Variants in ST8SIA5 observed in about 807,000 individuals in gnomAD.
The protein encoded by ST8SIA5 is alpha-2,8-sialyltransferase 8E.
Under a neutral mutation model 40.2 loss-of-function variants are expected in ST8SIA5, and 24 were observed. The observed-to-expected ratio is 0.60, with a 90% CI of 0.43 to 0.84. ST8SIA5 has a LOEUF of 0.84. ST8SIA5 is among the 40% of genes least tolerant of loss of function. The probability of loss-of-function intolerance (pLI) is 0.00; values close to 1 mark genes in which losing one functional copy is unlikely to be tolerated. For missense variants in ST8SIA5, 465 were observed against 498.5 expected (o/e 0.93, Z 0.64); for synonymous variants, 198 against 201.8 (o/e 0.98, Z 0.16).
chr18:46,747,471 T>C (rs1239419019), intron 1 of ST8SIA5, among the ~76,000 whole-genome samples: 1 of 152,060 alleles, frequency 6.6e-6, no homozygotes, highest in Non-Finnish European at 1.5e-5. Flanking sequence ...CATGAAAAAA[T>C]GCTCATCATC....
intron 1 of ST8SIA5, among the ~76,000 whole-genome samples, chr18:46,742,929 G>C (rs1372371893): frequency 2.0e-5 from 3 of 152,214 alleles, no homozygotes; most frequent in African/African-American, 7.2e-5. Context: ...AGGCAAACAG[G>C]GTCTGGAGTG....
intron 1 of ST8SIA5, among the ~76,000 whole-genome samples, chr18:46,733,961 G>A (rs978862931): frequency 6.6e-5 from 10 of 152,078 alleles, no homozygotes; most frequent in African/African-American, 2.4e-4. Context: ...CTGTGGGCTG[G>A]GCCCAGAATG....
intron 2 of ST8SIA5, among the ~76,000 whole-genome samples, chr18:46,695,770 G>A (rs1257308438): frequency 6.6e-6 from 1 of 152,156 alleles, no homozygotes; most frequent in Non-Finnish European, 1.5e-5. Flanking sequence ...GCAGATGCGT[G>A]GTAAATATTT....
chr18:46,686,515 C>T (rs2039449642), intron 4 of ST8SIA5, among the ~76,000 whole-genome samples: 1 of 152,174 alleles, frequency 6.6e-6, no homozygotes, highest in Non-Finnish European at 1.5e-5. Flanking sequence ...AAGCCCAGGG[C>T]CTGCTGGGCA....
At chr18:46,703,592 GCACACTAGTTGGAAT>G (rs1197530308) in intron 2 of ST8SIA5, among the ~76,000 whole-genome samples, 24 of 152,200 alleles carry the variant, frequency 1.6e-4, no homozygotes, top group African/African-American at 5.8e-4. Context: ...TTCCCCTGAT[GCACACTAGTTGGAAT>G]CACATCAGAT....
At position 46,678,354 on chromosome 18, in the gene ST8SIA5, G is replaced by C. The variant is rs1236724956; in HGVS notation, c.*1688C>G. The C allele has an allele frequency of 1.3e-5, 2 of 152,794 alleles. No individual in the cohort carries two copies. The highest frequency in any genetic ancestry group is 4.8e-5 in the African/African-American group (2 of 41,450). The allele number at this position is 152,794 out of a possible 1,614,324, so 9.5% of individuals were successfully genotyped here. On this transcript the variant is annotated 3_prime_UTR_variant, in exon 7 of 7. Coordinates refer to ENST00000315087, the MANE Select transcript of ST8SIA5 (RefSeq NM_013305.6). ...AGACACAAAAGTTTGGCCAAGAACG[G>C]AGCCCTGGATCAGGAGCCTGGAGGC...
intron 1 of ST8SIA5, among the ~76,000 whole-genome samples, chr18:46,707,827 GC>G (rs1401964975): frequency 1.3e-5 from 2 of 152,170 alleles, no homozygotes; most frequent in Non-Finnish European, 2.9e-5. Flanking sequence ...TAAGGATACA[GC>G]AAGGAGATGC....
chr18:46,694,836 T>A (rs1193561764), intron 2 of ST8SIA5, among the ~76,000 whole-genome samples: 1 of 146,874 alleles, frequency 6.8e-6, no homozygotes, highest in Non-Finnish European at 1.5e-5. Flanking sequence ...GTCCATTATT[T>A]AAAAAAAAAA....
rs1001404815 is a variant in ST8SIA5 at position 46,673,682 on chromosome 18, G to A, written c.*6360C>T. The A allele has an allele frequency of 2.6e-5, 4 of 151,866 alleles. No individual in the cohort carries two copies. Among genetic ancestry groups the A allele is most frequent in the African/African-American group, 9.7e-5 (4 of 41,332 alleles). The allele number at this position is 151,866 out of a possible 1,614,324, so 9.4% of individuals were successfully genotyped here. ...GGGTAGACTGTAGATCTATACTGTA[G>A]ATCTATACTGTAGGTCTATCCAGTC... is the stretch of plus-strand genomic sequence containing the variant. On this transcript the variant is annotated 3_prime_UTR_variant, in exon 7 of 7. Coordinates refer to ENST00000315087, the MANE Select transcript of ST8SIA5 (RefSeq NM_013305.6).
chr18:46,747,645 T>C lies in ST8SIA5; in HGVS notation c.131+8733A>G, dbSNP rs531036358. On this transcript the variant is annotated intron_variant, in intron 1 of 6. Coordinates refer to ENST00000315087, the MANE Select transcript of ST8SIA5 (RefSeq NM_013305.6). ...GTGGGAGTGTAAATTAGTTCAATGATTGTGGAAGACAGTGTGGTGGTTCCT... is the reference window on the plus strand; with the variant it reads ...GTGGGAGTGTAAATTAGTTCAATGACTGTGGAAGACAGTGTGGTGGTTCCT... Among the ~76,000 whole-genome samples the C allele has an allele frequency of 2.4e-4, 37 of 152,320 alleles. 1 individual carries two copies. Among genetic ancestry groups the C allele is most frequent in the Middle Eastern group, 3.4e-3 (1 of 294 alleles).
chr18:46,721,607 T>C (rs2039864431), intron 1 of ST8SIA5: 2 of 703,228 alleles, frequency 2.8e-6, no homozygotes, highest in East Asian at 5.4e-5. Flanking sequence ...TGGTACTGAC[T>C]CCAACCATGA....
chr18:46,690,574 C>T (rs2039494603), intron 3 of ST8SIA5, among the ~76,000 whole-genome samples: 1 of 150,160 alleles, frequency 6.7e-6, no homozygotes, highest in East Asian at 2.0e-4. Context: ...TTCCCTATTG[C>T]TTCATGTTTC....
intron 1 of ST8SIA5, among the ~76,000 whole-genome samples, chr18:46,729,838 G>A (rs572558184): frequency 2.0e-5 from 3 of 147,700 alleles, no homozygotes; most frequent in East Asian, 2.1e-4. Flanking sequence ...TGTTATTTGG[G>A]AAATGACCAC....
At chr18:46,721,403 C>T (rs947088987) in intron 1 of ST8SIA5, 20 of 1,535,962 alleles carry the variant, frequency 1.3e-5, no homozygotes, top group African/African-American at 1.2e-4. Flanking sequence ...CTGGATCATC[C>T]GTGACATTAA....
rs752152093 is a variant in ST8SIA5 at position 46,671,701 on chromosome 18, G to A, written c.*8341C>T. On this transcript the variant is annotated 3_prime_UTR_variant, in exon 7 of 7. Coordinates refer to ENST00000315087, the MANE Select transcript of ST8SIA5 (RefSeq NM_013305.6). ...GGCAGACTCTGAGGCTCCTAGCCCCGGGAGAAGAAATCTATGTTACTTTGC... is the reference window on the plus strand; with the variant it reads ...GGCAGACTCTGAGGCTCCTAGCCCCAGGAGAAGAAATCTATGTTACTTTGC... The A allele has an allele frequency of 3.9e-5, 6 of 152,194 alleles. No individual in the cohort carries two copies. Among genetic ancestry groups the A allele is most frequent in the African/African-American group, 7.2e-5 (3 of 41,444 alleles). 9.4% of individuals were successfully genotyped at this position (152,194 alleles called of 1,614,324 possible). A position where few individuals can be genotyped will look rare whatever the true frequency, so the allele number is the denominator to read the frequency against.
intron 1 of ST8SIA5, among the ~76,000 whole-genome samples, chr18:46,748,728 C>CAAA (rs33959869): frequency 1.7e-4 from 26 of 150,022 alleles, no homozygotes; most frequent in East Asian, 7.9e-4. Context: ...GGCTATAATC[C>CAAA]AAAAAAAAAG....
Position 46,679,846 on chromosome 18 carries a change from C to T in ST8SIA5, c.*196G>A. On this transcript the variant is annotated 3_prime_UTR_variant, in exon 7 of 7. Transcript: ENST00000315087. ...CACCGGTGGGGGCCAGGCCAGGAGG[C>T]TCAGCACAGAGCTGACTCTGCCCCG... is the stretch of plus-strand genomic sequence containing the variant. 1 of 628,464 alleles carries T rather than the reference C, an allele frequency of 1.6e-6. No individual in the cohort carries two copies. The highest frequency in any genetic ancestry group is 2.7e-6 in the Non-Finnish European group (1 of 365,816). The allele number at this position is 628,464 out of a possible 1,614,324, so 38.9% of individuals were successfully genotyped here.
chr18:46,718,289 C>G (rs113128089), intron 1 of ST8SIA5, among the ~76,000 whole-genome samples: 4,138 of 139,812 alleles, frequency 0.03, 204 homozygotes, highest in African/African-American at 0.1. Context: ...AAGATTGCAT[C>G]ACTGCACTCC....
At position 46,680,102 on chromosome 18, in the gene ST8SIA5, G is replaced by T. The variant is rs771176027; in HGVS notation, c.1071C>A (p.Phe357Leu). ...GGATGCCTCGGCTGTGCAAGTGCAG[G>T]AAGTTGAAGATCTCAGAGGGCATGG... ...FHAMPSEIFN[F>L]LHLHSRGILR... Residue 357 changes from phenylalanine (F) to leucine (L), a missense_variant, in exon 7 of 7, where the codon TTC becomes TTA. Transcript: ENST00000315087. The T allele has an allele frequency of 6.2e-7, 1 of 1,614,178 alleles. No homozygotes were observed. The highest frequency in any genetic ancestry group is 8.5e-7 in the Non-Finnish European group (1 of 1,180,038).
Sources: allele counts gnomAD v4.1 joint callset (sites outside exome capture counted in the v4.1 genomes callset), GRCh38; gene constraint gnomAD v4.1.1; transcripts MANE v1.5; gene names NCBI Gene and HGNC (gene_info 2026-07-23, HGNC 2026-07-21).